Variants in MROH2A observed in about 807,000 individuals in gnomAD.
MROH2A encodes the protein maestro heat like repeat family member 2A.
In MROH2A, 174 loss-of-function variants were observed where a neutral mutation model predicts 200.4. The ratio of observed to expected loss-of-function variants is 0.87; its 90% CI spans 0.77 to 0.98. The LOEUF (loss-of-function observed/expected upper bound fraction) is 0.98, where lower values mean the gene tolerates loss of function less well. Ranked by LOEUF, MROH2A falls within the 50% of genes least tolerant of loss-of-function variation. MROH2A has a pLI of 0.00. For synonymous variants in MROH2A, 829 were observed against 840.4 expected, an observed-to-expected ratio of 0.99 and a Z score of 0.23; for missense variants, 2,045 against 2,139.6, an observed-to-expected ratio of 0.96 and a Z score of 0.87.
chr2:233,812,430 G>A (rs527634025), intron 24 of MROH2A, among the ~76,000 whole-genome samples: 5 of 152,136 alleles, frequency 3.3e-5, no homozygotes, highest in African/African-American at 7.2e-5. Context: ...AAGAAGTTAT[G>A]GATTTATAAA....
At position 233,789,920 on chromosome 2, in the gene MROH2A, C is replaced by T. The variant is rs933110990; in HGVS notation, c.477C>T (p.Ser159=). ...TLVALSRNHF[S]LVMYELQHHL... is the part of the protein sequence containing the mutation. ...TGGCTCTGTCCCGAAACCACTTCAGCTTGGTCATGTACGAGCTGCAGCACC... is the reference window on the plus strand; with the variant it reads ...TGGCTCTGTCCCGAAACCACTTCAGTTTGGTCATGTACGAGCTGCAGCACC... Residue 159 remains serine (S), a synonymous_variant, in exon 5 of 42, where the codon AGC becomes AGT. Transcript: ENST00000389758. The T allele has an allele frequency of 6.4e-7, 1 of 1,550,516 alleles. No homozygotes were observed. The highest frequency in any genetic ancestry group is 8.7e-7 in the Non-Finnish European group (1 of 1,146,938).
At chr2:233,800,633 G>A (rs895906598) in intron 14 of MROH2A, among the ~76,000 whole-genome samples, 778 of 19,678 alleles carry the variant, frequency 0.04, 4 homozygotes, top group African/African-American at 0.12. Flanking sequence ...GTGTGTGTAT[G>A]TGTGTGTGTG....
At chr2:233,796,173 G>T in intron 10 of MROH2A, 27 bp from the exon 11 acceptor site, 1 of 1,537,008 alleles carries the variant, frequency 6.5e-7, no homozygotes, top group South Asian at 1.2e-5. Flanking sequence ...CGGTGAGCAT[G>T]ACTAAAGCTG....
In MROH2A at chr2:233,828,929, G is replaced by C; in HGVS notation, c.4303G>C (p.Gly1435Arg). 6.4e-7 allele frequency: 1 copy of C among 1,550,486 alleles called. No homozygotes were observed. The highest frequency in any genetic ancestry group is 2.4e-5 in the East Asian group (1 of 40,904). Residue 1435 changes from glycine (G) to arginine (R), a missense_variant, in exon 37 of 42, where the codon GGC (glycine) becomes CGC (arginine). Gly to Arg is a moderately radical substitution (Grantham distance 125). Around this residue, in one of 3 missense-constraint regions of MROH2A, gnomAD observed 1,201 missense variants for 1,311.3 expected, o/e 0.92. Transcript: ENST00000389758. The surrounding 1 kb of genome is among the most constrained non-coding windows in gnomAD (Gnocchi z 4.6). Reference sequence around the variant, plus strand: ...GAAGGTCTTGCTGGAGAAGTGCCTGGGCCCCCTGAGGGAGCCCGTGAGCAA... The same window carrying C: ...GAAGGTCTTGCTGGAGAAGTGCCTGCGCCCCCTGAGGGAGCCCGTGAGCAA... ...YRKVLLEKCL[G>R]PLREPVSNSV... is the part of the protein sequence containing the mutation.
intron 3 of MROH2A, among the ~76,000 whole-genome samples, chr2:233,788,926 G>T (rs28899487): frequency 2.6e-5 from 3 of 114,666 alleles, no homozygotes; most frequent in Non-Finnish European, 4.9e-5. Flanking sequence ...GCGGCAGAGC[G>T]AGACTCCGTC....
At chr2:233,794,279 T>G in intron 7 of MROH2A, 84 bp from the exon 8 acceptor site, 1 of 1,047,652 alleles carries the variant, frequency 9.5e-7, no homozygotes, top group Non-Finnish European at 1.4e-6. Context: ...CCTGTGTCCT[T>G]GGATTCTGTG....
intron 24 of MROH2A, among the ~76,000 whole-genome samples, chr2:233,813,047 G>C (rs1381219064): frequency 6.6e-6 from 1 of 152,182 alleles, no homozygotes; most frequent in African/African-American, 2.4e-5. Context: ...CGTGGTCCCT[G>C]GGGGTCCTTA....
Position 233,818,676 on chromosome 2 carries a change from G to A in MROH2A, c.3110G>A (p.Gly1037Asp). 1.3e-6 allele frequency: 2 copies of A among 1,549,396 alleles called. No homozygotes were observed. Among genetic ancestry groups the A allele is most frequent in the Non-Finnish European group, 1.7e-6 (2 of 1,146,010 alleles). The change falls in exon 29 of 42, where the codon GGC becomes GAC. Residue 1037 changes from glycine to aspartate, a missense_variant. Around this residue, in one of 3 missense-constraint regions of MROH2A, gnomAD observed 1,201 missense variants for 1,311.3 expected, o/e 0.92. Coordinates refer to ENST00000389758, the MANE Select transcript of MROH2A (RefSeq NM_001394639.1). ...GCAAGCCAGACCTGCTCCTTGTGGG[G>A]CCCTTCCAAGCAGAAGGAGCTTGAG... ...LHASQTCSLW[G>D]PSKQKELEKC...
At chr2:233,802,813 C>T (rs1453213039) in intron 15 of MROH2A, among the ~76,000 whole-genome samples, 2 of 152,232 alleles carry the variant, frequency 1.3e-5, no homozygotes, top group South Asian at 2.1e-4. Context: ...CCAAGGGCAT[C>T]GCTGGTGATG....
chr2:233,804,053 G>A lies in MROH2A; in HGVS notation c.1752G>A (p.Val584=), dbSNP rs767704749. 8 of 1,550,434 alleles carry A rather than the reference G, an allele frequency of 5.2e-6. No homozygotes were observed. The highest frequency in any genetic ancestry group is 7.0e-6 in the Non-Finnish European group (8 of 1,146,984). Residue 584 remains valine, a splice_region_variant and synonymous_variant, in exon 17 of 42, where the codon GTG becomes GTA. Coordinates refer to ENST00000389758, the MANE Select transcript of MROH2A (RefSeq NM_001394639.1). ...ACTGGAGCCTTGGTGCCCTCCAGGT[G>A]CTGATGTCATCACCTTACAAGGGGG... ...APQKLLARLL[V]LMSSPYKGEG...
intron 19 of MROH2A, among the ~76,000 whole-genome samples, chr2:233,806,276 AAGAC>A (rs1702784291): frequency 6.6e-6 from 1 of 152,126 alleles, no homozygotes; most frequent in South Asian, 2.1e-4. Flanking sequence ...GAAACCAAGA[AAGAC>A]GAGGGAAAAG....
In MROH2A at chr2:233,800,322, G is replaced by T. The variant is rs769935947; in HGVS notation, c.1560+7G>T. The T allele has an allele frequency of 3.9e-6, 6 of 1,526,840 alleles. No individual in the cohort carries two copies. The African/African-American group carries it at 4.1e-5, about 11-fold the overall frequency. The allele number at this position is 1,526,840 out of a possible 1,614,324, so 94.6% of individuals were successfully genotyped here. ...TGTCAGTGGGATGACCACCGTGAGT[G>T]GGCCCTGCCCCACCCGCACAGTGGG... On this transcript the variant is annotated splice_region_variant and intron_variant, in intron 14 of 41. Coordinates refer to ENST00000389758, the MANE Select transcript of MROH2A (RefSeq NM_001394639.1).
In MROH2A at chr2:233,800,187, CTTGGTTCT is replaced by C. The variant is rs1702369620; in HGVS notation, c.1450-15_1450-8del. On this transcript the variant is annotated splice_polypyrimidine_tract_variant and intron_variant, in intron 13 of 41. Transcript: ENST00000389758. ...TCTGCTAGGCCACAGGTGGGAATCC[CTTGGTTCT>C]TTCTTCCAGACAAATCGCCGGGAGA... The C allele has an allele frequency of 6.6e-7, 1 of 1,526,306 alleles. No homozygotes were observed. Among genetic ancestry groups the C allele is most frequent in the Non-Finnish European group, 8.9e-7 (1 of 1,129,360 alleles). The allele number at this position is 1,526,306 out of a possible 1,614,324, so 94.5% of individuals were successfully genotyped here.
In MROH2A at chr2:233,813,494, A is replaced by G. The variant is rs116475668; in HGVS notation, c.2652-176A>G. On this transcript the variant is annotated intron_variant, in intron 24 of 41. Transcript: ENST00000389758. Reference sequence around the variant, plus strand: ...CAATCACAAGCAAGAGTCACTGGACACTGGTTACTGGTCAGAGCCAGGGCC... The same window carrying G: ...CAATCACAAGCAAGAGTCACTGGACGCTGGTTACTGGTCAGAGCCAGGGCC... Among the ~76,000 whole-genome samples, 458 of 152,328 alleles carry G rather than the reference A, an allele frequency of 3.0e-3. 1 individual carries two copies. The highest frequency in any genetic ancestry group is 0.01 in the African/African-American group (435 of 41,586).
chr2:233,785,929 C>T (rs563869826), intron 3 of MROH2A, among the ~76,000 whole-genome samples: 10 of 152,210 alleles, frequency 6.6e-5, no homozygotes, highest in African/African-American at 9.6e-5. Flanking sequence ...GATTGAGGTG[C>T]GATATGGTTT....
At chr2:233,804,584 G>A (rs757192369) in intron 18 of MROH2A, 37 bp downstream of exon 18, 4 of 1,544,158 alleles carry the variant, frequency 2.6e-6, no homozygotes, top group Non-Finnish European at 1.8e-6. Context: ...CCTGGGAGGA[G>A]GAGAAAGATG....
intron 3 of MROH2A, among the ~76,000 whole-genome samples, chr2:233,785,158 AT>A (rs1447621414): frequency 6.6e-6 from 1 of 151,644 alleles, no homozygotes; most frequent in African/African-American, 2.4e-5. Flanking sequence ...AAAAAAAAAA[AT>A]GTAGGCTTTG....
At chr2:233,795,420 G>A (rs1171611559) in intron 8 of MROH2A, among the ~76,000 whole-genome samples, 1 of 152,168 alleles carries the variant, frequency 6.6e-6, no homozygotes, top group Admixed American at 6.5e-5. Context: ...ACACTCAGGG[G>A]CCTAGCGCAG....
chr2:233,797,095 C>T (rs948850518), intron 11 of MROH2A, among the ~76,000 whole-genome samples: 1 of 152,228 alleles, frequency 6.6e-6, no homozygotes, highest in Non-Finnish European at 1.5e-5. Flanking sequence ...TCTACCATTG[C>T]AGACCAAAAA....
Sources: allele counts gnomAD v4.1 joint callset (sites outside exome capture counted in the v4.1 genomes callset), GRCh38; gene constraint gnomAD v4.1.1; regional missense constraint gnomAD v4.1.1; non-coding constraint Gnocchi (gnomAD v3.1); transcripts MANE v1.5; gene names NCBI Gene and HGNC (gene_info 2026-07-23, HGNC 2026-07-21).